NKAIN3: variants seen among roughly 807,000 people sequenced by gnomAD.
NKAIN3 encodes sodium/potassium transporting ATPase interacting 3, also known as sodium/potassium-transporting ATPase subunit beta-1-interacting protein 3.
NKAIN3 carries 25 observed loss-of-function variants against 30.2 expected under a neutral mutation model. The observed-to-expected ratio is 0.83, with a 90% confidence interval of 0.60 to 1.16. The LOEUF is 1.16. NKAIN3 is among the 50% of genes most tolerant of loss of function. The pLI is 0.00. For missense variants in NKAIN3, 225 were observed against 254.1 expected (o/e 0.89, Z 0.78); for synonymous variants, 91 against 89.6 (o/e 1.02, Z -0.09).
chr8:62,695,322 A>C lies in NKAIN3; in HGVS notation c.274-51610A>C, dbSNP rs574491684. Among the ~76,000 whole-genome samples the C allele has an allele frequency of 8.9e-4, 135 of 152,364 alleles. 4 individuals carry two copies. The South Asian group carries it at 0.028, about 31-fold the overall frequency. On this transcript the variant is annotated intron_variant, in intron 3 of 6. Coordinates refer to ENST00000623646, the MANE Select transcript of NKAIN3 (RefSeq NM_001304533.3). ...ATGGTTTAGTGACATTCAATGAACG[A>C]ATTATGGAAGCAAAGCTTTAAGAAA...
chr8:62,779,055 T>TCCTA (rs1817274157), intron 4 of NKAIN3, among the ~76,000 whole-genome samples: 1 of 152,008 alleles, frequency 6.6e-6, no homozygotes. Context: ...AGGTGCCCTA[T>TCCTA]CCTACTGTGG....
At chr8:62,779,016 G>A (rs1287419348) in intron 4 of NKAIN3, among the ~76,000 whole-genome samples, 3 of 151,986 alleles carry the variant, frequency 2.0e-5, no homozygotes, top group African/African-American at 7.2e-5. Context: ...GGGAGCTAGG[G>A]CCTGGAATGG....
chr8:62,303,574 C>G (rs371694552), intron 1 of NKAIN3, among the ~76,000 whole-genome samples: 1 of 150,408 alleles, frequency 6.6e-6, no homozygotes, highest in Admixed American at 6.6e-5. Flanking sequence ...CTTATACTTG[C>G]GTTTTCAAAG....
At chr8:62,460,099 C>A (rs957295739) in intron 1 of NKAIN3, among the ~76,000 whole-genome samples, 1 of 152,092 alleles carries the variant, frequency 6.6e-6, no homozygotes, top group African/African-American at 2.4e-5. Context: ...TCTAAAAATT[C>A]TCTCCTCCAT....
At chr8:62,594,910 A>G (rs1273240245) in intron 3 of NKAIN3, among the ~76,000 whole-genome samples, 3 of 145,712 alleles carry the variant, frequency 2.1e-5, no homozygotes, top group Non-Finnish European at 4.5e-5. Context: ...TTCTTTTCTC[A>G]TAATAAAAAA....
rs563093540 is a variant in NKAIN3 at position 62,788,373 on chromosome 8, T to G, written c.471+41244T>G. 6.5e-3 allele frequency among the ~76,000 whole-genome samples: 983 copies of G among 152,298 alleles called. 10 individuals carry two copies. The highest frequency in any genetic ancestry group is 0.022 in the African/African-American group (912 of 41,548). On this transcript the variant is annotated intron_variant, in intron 4 of 6. Transcript: ENST00000623646. ...GTCTGTTCATATCCTTCGCCCACTT[T>G]TTGATGGGGTTGTTTTTTTCTTGTA...
In NKAIN3 at chr8:62,268,829, G is replaced by T. The variant is rs898706713; in HGVS notation, c.54+19702G>T. ...ACAAAGGCTATTTTTGTATGGTTCTGGTTGGGTAGCTTGTATATGCATAAT... is the reference window on the plus strand; with the variant it reads ...ACAAAGGCTATTTTTGTATGGTTCTTGTTGGGTAGCTTGTATATGCATAAT... On this transcript the variant is annotated intron_variant, in intron 1 of 6. Coordinates refer to ENST00000623646, the MANE Select transcript of NKAIN3 (RefSeq NM_001304533.3). 3.9e-5 allele frequency among the ~76,000 whole-genome samples: 6 copies of T among 152,088 alleles called. No homozygotes were observed. In the South Asian group the frequency reaches 8.3e-4, roughly 21 times the overall value.
chr8:62,589,875 T>TTGTGTGTGTGTG (rs35791396), intron 3 of NKAIN3, 81 bp downstream of exon 3: 73 of 430,052 alleles, frequency 1.7e-4, no homozygotes, highest in East Asian at 1.3e-3. Context: ...TATAGGTATA[T>TTGTGTGTGTGTG]TGTGTGTGTG....
intron 1 of NKAIN3, among the ~76,000 whole-genome samples, chr8:62,329,180 C>T (rs904791482): frequency 6.6e-6 from 1 of 151,994 alleles, no homozygotes; most frequent in African/African-American, 2.4e-5. Context: ...TCATCAGTGG[C>T]CTTGAGCCAG....
chr8:62,347,043 A>G (rs1816028153), intron 1 of NKAIN3, among the ~76,000 whole-genome samples: 1 of 152,144 alleles, frequency 6.6e-6, no homozygotes, highest in African/African-American at 2.4e-5. Context: ...AGCCAACACA[A>G]AGATCTTCCT....
At chr8:62,716,261 AATG>A (rs1036581153) in intron 3 of NKAIN3, among the ~76,000 whole-genome samples, 1 of 152,236 alleles carries the variant, frequency 6.6e-6, no homozygotes, top group African/African-American at 2.4e-5. Context: ...AACAAGTGAA[AATG>A]ATAATACGTG....
intron 4 of NKAIN3, among the ~76,000 whole-genome samples, chr8:62,906,510 T>C (rs974758516): frequency 6.6e-6 from 1 of 152,188 alleles, no homozygotes; most frequent in East Asian, 1.9e-4. Context: ...CTGTGTGATA[T>C]GGTTTGGCTG....
chr8:62,458,376 A>G (rs1458401255), intron 1 of NKAIN3, among the ~76,000 whole-genome samples: 1 of 152,242 alleles, frequency 6.6e-6, no homozygotes, highest in Non-Finnish European at 1.5e-5. Flanking sequence ...AGGCATTTTA[A>G]GAATAAAATC....
chr8:62,458,976 C>T (rs1805904117), intron 1 of NKAIN3, among the ~76,000 whole-genome samples: 1 of 150,832 alleles, frequency 6.6e-6, no homozygotes, highest in Admixed American at 6.6e-5. Flanking sequence ...AACATTCAAA[C>T]ATCATGACTG....
At chr8:62,815,845 C>G (rs557616132) in intron 4 of NKAIN3, among the ~76,000 whole-genome samples, 2 of 151,842 alleles carry the variant, frequency 1.3e-5, no homozygotes, top group Non-Finnish European at 1.5e-5. Context: ...TCTTATTCCA[C>G]TCATTGAATC....
intron 1 of NKAIN3, among the ~76,000 whole-genome samples, chr8:62,301,424 A>G (rs1394029394): frequency 1.3e-5 from 2 of 152,036 alleles, no homozygotes; most frequent in Non-Finnish European, 2.9e-5. Flanking sequence ...AAAATTACCT[A>G]TAGAAAATAG....
chr8:62,783,454 C>T (rs1361264210), intron 4 of NKAIN3, among the ~76,000 whole-genome samples: 1 of 152,034 alleles, frequency 6.6e-6, no homozygotes, highest in African/African-American at 2.4e-5. Flanking sequence ...ATAAGTCACC[C>T]AGTCTATGGT....
chr8:62,429,103 T>A (rs976490324), intron 1 of NKAIN3, among the ~76,000 whole-genome samples: 1 of 151,846 alleles, frequency 6.6e-6, no homozygotes, highest in Non-Finnish European at 1.5e-5. Flanking sequence ...CCCCATTGTA[T>A]GTTCTTGGTT....
intron 1 of NKAIN3, among the ~76,000 whole-genome samples, chr8:62,507,133 T>C (rs1246246076): frequency 6.6e-6 from 1 of 152,158 alleles, no homozygotes. Flanking sequence ...TTTTCCAAAG[T>C]GTTTGAGTGG....
Sources: allele counts gnomAD v4.1 joint callset (sites outside exome capture counted in the v4.1 genomes callset), GRCh38; gene constraint gnomAD v4.1.1; transcripts MANE v1.5; gene names NCBI Gene and HGNC (gene_info 2026-07-23, HGNC 2026-07-21).